RAP2A: variants seen among roughly 807,000 people sequenced by gnomAD.
The protein encoded by RAP2A is RAP2A, member of RAS oncogene family, also known as ras-related protein Rap-2a.
Under a neutral mutation model 15.1 loss-of-function variants are expected in RAP2A, and 5 were observed. That is an observed-to-expected ratio of 0.33 (90% CI 0.17 to 0.70). RAP2A has a LOEUF of 0.70. RAP2A is among the 30% of genes least tolerant of loss of function. The pLI is 0.68. For missense variants in RAP2A, 111 were observed against 240.3 expected (o/e 0.46, Z 3.56); for synonymous variants, 110 against 99.7 (o/e 1.10, Z -0.62).
In RAP2A at chr13:97,446,554, AGACTGTGTT is replaced by A. The variant is rs1460858023; in HGVS notation, c.314+11773_314+11781del. On this transcript the variant is annotated intron_variant, in intron 1 of 1. Transcript: ENST00000245304. ...CCCTTTGAGTCTGTGCTGCCTGTTA[AGACTGTGTT>A]GATCCATAGAGTATGCTGGAAGTGA... is the stretch of plus-strand genomic sequence containing the variant. Among the ~76,000 whole-genome samples the A allele has an allele frequency of 8.5e-5, 13 of 152,290 alleles. No individual in the cohort carries two copies. In the South Asian group the frequency reaches 2.5e-3, roughly 29 times the overall value.
At chr13:97,447,010 T>C (rs537532287) in intron 1 of RAP2A, among the ~76,000 whole-genome samples, 1 of 152,380 alleles carries the variant, frequency 6.6e-6, no homozygotes, top group East Asian at 1.9e-4. Context: ...TAGATAAACA[T>C]GTTATTTTAG....
At chr13:97,442,489 C>T (rs1190875064) in intron 1 of RAP2A, among the ~76,000 whole-genome samples, 1 of 152,126 alleles carries the variant, frequency 6.6e-6, no homozygotes, top group Non-Finnish European at 1.5e-5. Context: ...TTCACATTTT[C>T]TTAACCAGGG....
intron 1 of RAP2A, among the ~76,000 whole-genome samples, chr13:97,440,740 C>T (rs2066654013): frequency 6.6e-6 from 1 of 152,162 alleles, no homozygotes; most frequent in Admixed American, 6.5e-5. Flanking sequence ...CTTGTGAAAT[C>T]ACCACAATCA....
rs2066783950 is a variant in RAP2A, at chr13:97,468,949, G to A, written c.*4507G>A. On this transcript the variant is annotated 3_prime_UTR_variant, in exon 2 of 2. Coordinates refer to ENST00000245304, the MANE Select transcript of RAP2A (RefSeq NM_021033.7). ...CCAACTGACCTCTAGGATCTATGAAGCAGAGAATATTACCACAAACTTCTG... is the reference window on the plus strand; with the variant it reads ...CCAACTGACCTCTAGGATCTATGAAACAGAGAATATTACCACAAACTTCTG... 6.6e-6 allele frequency: 1 copy of A among 152,166 alleles called. No homozygotes were observed. Among genetic ancestry groups the A allele is most frequent in the Non-Finnish European group, 1.5e-5 (1 of 68,046 alleles). The allele number at this position is 152,166 out of a possible 1,614,324, so 9.4% of individuals were successfully genotyped here.
At position 97,442,348 on chromosome 13, in the gene RAP2A, C is replaced by A. The variant is rs141709164; in HGVS notation, c.314+7564C>A. Among the ~76,000 whole-genome samples the A allele has an allele frequency of 1.5e-3, 235 of 151,826 alleles. 1 individual carries two copies. Among genetic ancestry groups the A allele is most frequent in the Middle Eastern group, 0.014 (4 of 294 alleles). ...AATACATTTAAGATTTTAAAACATA[C>A]CAAAATTTATATTTAGGGAGAAATA... On this transcript the variant is annotated intron_variant, in intron 1 of 1. Coordinates refer to ENST00000245304, the MANE Select transcript of RAP2A (RefSeq NM_021033.7).
rs2066778683 is a variant in RAP2A, at chr13:97,467,745, C to T, written c.*3303C>T. The T allele has an allele frequency of 6.6e-6, 1 of 152,186 alleles. No homozygotes were observed. The highest frequency in any genetic ancestry group is 2.1e-4 in the South Asian group (1 of 4,812). The allele number at this position is 152,186 out of a possible 1,614,324, so 9.4% of individuals were successfully genotyped here. On this transcript the variant is annotated 3_prime_UTR_variant, in exon 2 of 2. Coordinates refer to ENST00000245304, the MANE Select transcript of RAP2A (RefSeq NM_021033.7). ...TTGATCAGGGTTTCAAGAATGACTG[C>T]AGTGGGTTTTGGAAACAGACTTATC...
At chr13:97,443,156 C>CTT (rs2066665061) in intron 1 of RAP2A, among the ~76,000 whole-genome samples, 1 of 152,160 alleles carries the variant, frequency 6.6e-6, no homozygotes, top group Non-Finnish European at 1.5e-5. Context: ...CAGGATAACA[C>CTT]TGATTCACCT....
intron 1 of RAP2A, among the ~76,000 whole-genome samples, chr13:97,439,178 A>C (rs1566471136): frequency 6.6e-6 from 1 of 152,186 alleles, no homozygotes; most frequent in Non-Finnish European, 1.5e-5. Context: ...GGTAAGGTGA[A>C]AATTTTTAAA....
At chr13:97,450,264 T>C (rs936143246) in intron 1 of RAP2A, among the ~76,000 whole-genome samples, 10 of 152,212 alleles carry the variant, frequency 6.6e-5, no homozygotes, top group Non-Finnish European at 1.2e-4. Context: ...AGATATATAC[T>C]ATAATTTAAT....
chr13:97,447,504 A>G (rs919474793), intron 1 of RAP2A, among the ~76,000 whole-genome samples: 4 of 152,252 alleles, frequency 2.6e-5, no homozygotes, highest in Non-Finnish European at 4.4e-5. Flanking sequence ...TGTTGAATTT[A>G]TAAGTAAAGA....
At chr13:97,440,344 A>T (rs977036949) in intron 1 of RAP2A, among the ~76,000 whole-genome samples, 1 of 152,164 alleles carries the variant, frequency 6.6e-6, no homozygotes, top group Non-Finnish European at 1.5e-5. Context: ...TCAGACATAA[A>T]TCCAAACAAA....
Position 97,467,402 on chromosome 13 carries a change from GCCATCACCTTTCT to G in RAP2A, c.*2961_*2973del. On this transcript the variant is annotated 3_prime_UTR_variant, in exon 2 of 2. Coordinates refer to ENST00000245304, the MANE Select transcript of RAP2A (RefSeq NM_021033.7). ...ACTTTTGACTCAAATTGCTACAGTT[GCCATCACCTTTCT>G]GTGGTAATACTACTGATATTTGCTT... The G allele has an allele frequency of 6.6e-6, 1 of 152,528 alleles. No homozygotes were observed. Among genetic ancestry groups the G allele is most frequent in the Non-Finnish European group, 1.5e-5 (1 of 68,020 alleles). 9.4% of individuals were successfully genotyped at this position (152,528 alleles called of 1,614,324 possible).
chr13:97,442,665 A>G (rs1040009913), intron 1 of RAP2A, among the ~76,000 whole-genome samples: 13 of 152,008 alleles, frequency 8.6e-5, no homozygotes, highest in Admixed American at 7.9e-4. Flanking sequence ...AGTGCTTTTC[A>G]TGACCCACCA....
chr13:97,441,059 C>G (rs970680329), intron 1 of RAP2A, among the ~76,000 whole-genome samples: 1 of 152,038 alleles, frequency 6.6e-6, no homozygotes, highest in Non-Finnish European at 1.5e-5. Flanking sequence ...ATATAGTTTT[C>G]TTTTTGCCAC....
intron 1 of RAP2A, among the ~76,000 whole-genome samples, chr13:97,459,206 T>C (rs1180330242): frequency 6.6e-6 from 1 of 151,966 alleles, no homozygotes; most frequent in African/African-American, 2.4e-5. Context: ...AACACATACA[T>C]TGAACAGTTT....
At chr13:97,456,416 T>G (rs546629943) in intron 1 of RAP2A, among the ~76,000 whole-genome samples, 1 of 152,316 alleles carries the variant, frequency 6.6e-6, no homozygotes, top group Non-Finnish European at 1.5e-5. Context: ...GTCCTGAGTT[T>G]TTATTTGTAA....
At position 97,467,790 on chromosome 13, in the gene RAP2A, C is replaced by T. The variant is rs2066778895; in HGVS notation, c.*3348C>T. 1 of 152,088 alleles carries T rather than the reference C, an allele frequency of 6.6e-6. No individual in the cohort carries two copies. The highest frequency in any genetic ancestry group is 6.6e-5 in the Admixed American group (1 of 15,230). The allele number at this position is 152,088 out of a possible 1,614,324, so 9.4% of individuals were successfully genotyped here. A position where few individuals can be genotyped will look rare whatever the true frequency, so the allele number is the denominator to read the frequency against. On this transcript the variant is annotated 3_prime_UTR_variant, in exon 2 of 2. Coordinates refer to ENST00000245304, the MANE Select transcript of RAP2A (RefSeq NM_021033.7). ...CTTATCATTATTGATTTGAGGTTTC[C>T]CAGAGATATAGTTCACAGTTAATTG...
At chr13:97,436,138 A>G (rs1390567052) in intron 1 of RAP2A, 1 of 152,202 alleles carries the variant, frequency 6.6e-6, no homozygotes, top group Non-Finnish European at 1.5e-5. Flanking sequence ...GTTAAATTCC[A>G]AACTAGAATA....
chr13:97,451,885 A>G (rs1258491851), intron 1 of RAP2A, among the ~76,000 whole-genome samples: 1 of 151,416 alleles, frequency 6.6e-6, no homozygotes, highest in African/African-American at 2.4e-5. Context: ...TTGGTGTATA[A>G]TGATGTGGAG....
Sources: gnomAD v4.1 joint callset for allele counts (sites outside exome capture counted in the v4.1 genomes callset) on GRCh38, gnomAD v4.1.1 for gene constraint, MANE v1.5 for transcripts, NCBI Gene and HGNC (gene_info 2026-07-23, HGNC 2026-07-21) for gene names.